PCDHGA1: variants seen among roughly 807,000 people sequenced by gnomAD.
PCDHGA1 encodes the protein protocadherin gamma-A1.
Under a neutral mutation model 58.0 loss-of-function variants are expected in PCDHGA1, and 32 were observed. The ratio of observed to expected loss-of-function variants is 0.55; its 90% CI spans 0.42 to 0.74. The LOEUF (loss-of-function observed/expected upper bound fraction) is 0.74. Ranked by LOEUF, PCDHGA1 falls within the 30% of genes least tolerant of loss-of-function variation. PCDHGA1 has a pLI of 0.00. For missense variants in PCDHGA1, 1,205 were observed against 1,182.3 expected (o/e 1.02, Z -0.28); for synonymous variants, 498 against 501.1 (o/e 0.99, Z 0.08).
chr5:141,391,896 G>A (rs2092439615), intron 1 of PCDHGA1: 1 of 152,128 alleles, frequency 6.6e-6, no homozygotes, highest in Non-Finnish European at 1.5e-5. Flanking sequence ...ATGGGATGGA[G>A]CTTTGCTTTT....
In PCDHGA1 at chr5:141,370,457, G is replaced by T. The variant is rs774974710; in HGVS notation, c.2421+37352G>T. 2.5e-6 allele frequency: 4 copies of T among 1,611,872 alleles called. No homozygotes were observed. In the South Asian group the frequency reaches 4.4e-5, roughly 18 times the overall value. ...AGAGGCGAATGCTATTTCTCTTCCT[G>T]CTCTCTTTGTTAGACCAGGCTCTCT... On this transcript the variant is annotated intron_variant, in intron 1 of 3. Transcript: ENST00000517417.
At chr5:141,481,913 C>CAA (rs34114744) in intron 1 of PCDHGA1, among the ~76,000 whole-genome samples, 26 of 90,736 alleles carry the variant, frequency 2.9e-4, no homozygotes, top group Non-Finnish European at 3.5e-4. Context: ...AACTCCATCT[C>CAA]AAAAAAAAAA....
At chr5:141,333,286 T>TA in intron 1 of PCDHGA1, 181 bp downstream of exon 1, 1 of 939,472 alleles carries the variant, frequency 1.1e-6, no homozygotes, top group Non-Finnish European at 1.6e-6. Flanking sequence ...TATTTATAAT[T>TA]GTTCTTGCAC....
Position 141,486,288 on chromosome 5 carries a change from T to C in PCDHGA1, c.2422-8519T>C. 5 of 1,613,996 alleles carry C rather than the reference T, an allele frequency of 3.1e-6. No individual in the cohort carries two copies. The highest frequency in any genetic ancestry group is 4.2e-6 in the Non-Finnish European group (5 of 1,179,986). ...GAACCTGGCACTGTGGTGGCACTTA[T>C]CAGTGTGCAGGATCCAGACTCAGGG... On this transcript the variant is annotated intron_variant, in intron 1 of 3. Coordinates refer to ENST00000517417, the MANE Select transcript of PCDHGA1 (RefSeq NM_018912.3). The surrounding 1 kb of genome is among the most constrained non-coding windows in gnomAD (Gnocchi z 5.0).
In PCDHGA1 at chr5:141,334,135, G is replaced by A. The variant is rs1756502873; in HGVS notation, c.2421+1030G>A. 6.6e-6 allele frequency: 1 copy of A among 152,212 alleles called. No homozygotes were observed. Among genetic ancestry groups the A allele is most frequent in the African/African-American group, 2.4e-5 (1 of 41,438 alleles). 9.4% of individuals were successfully genotyped at this position (152,212 alleles called of 1,614,324 possible). A position where few individuals can be genotyped will look rare whatever the true frequency, so the allele number is the denominator to read the frequency against. On this transcript the variant is annotated intron_variant, in intron 1 of 3. Coordinates refer to ENST00000517417, the MANE Select transcript of PCDHGA1 (RefSeq NM_018912.3). The surrounding 1 kb of genome is among the most constrained non-coding windows in gnomAD (Gnocchi z 4.6). ...ATAAGAGGAAAGCAAAAGCAAAGTG[G>A]TGAGCTAGTCTAAAGCCATGTGAGT...
intron 1 of PCDHGA1, chr5:141,403,221 T>G (rs899056141): frequency 1.3e-5 from 21 of 1,613,974 alleles, no homozygotes; most frequent in Non-Finnish European, 1.8e-5. Flanking sequence ...GCGGGTAGGA[T>G]AGACCGGGAG....
Position 141,490,760 on chromosome 5 carries a change from T to G in PCDHGA1, c.2422-4047T>G. 1 of 1,614,070 alleles carries G rather than the reference T, an allele frequency of 6.2e-7. No individual in the cohort carries two copies. On this transcript the variant is annotated intron_variant, in intron 1 of 3. Coordinates refer to ENST00000517417, the MANE Select transcript of PCDHGA1 (RefSeq NM_018912.3). This position sits in a 1 kb window ranked among gnomAD's most constrained non-coding sequence, Gnocchi z 5.4. Reference sequence around the variant, plus strand: ...CAGGGAGCCCCAGCCTCCTCCTTTGTGTATGTCAACCCAGAGGATGGACGG... The same window carrying G: ...CAGGGAGCCCCAGCCTCCTCCTTTGGGTATGTCAACCCAGAGGATGGACGG...
intron 1 of PCDHGA1, chr5:141,362,309 A>C: frequency 1.2e-6 from 2 of 1,613,904 alleles, no homozygotes; most frequent in Non-Finnish European, 1.7e-6. Context: ...GATGCTTGGG[A>C]CTGTTTTCAG....
intron 1 of PCDHGA1, among the ~76,000 whole-genome samples, chr5:141,454,796 A>ATTTTTTTTTTT (rs61612330): frequency 0.014 from 1,093 of 77,476 alleles, 165 homozygotes; most frequent in African/African-American, 0.018. Flanking sequence ...CATGGTTCTA[A>ATTTTTTTTTTT]TTTTTTTTTT....
rs1236961370 is a variant in PCDHGA1, at chr5:141,512,621, C to T, written c.*1448C>T. 1 of 152,964 alleles carries T rather than the reference C, an allele frequency of 6.5e-6. No homozygotes were observed. The highest frequency in any genetic ancestry group is 1.5e-5 in the Non-Finnish European group (1 of 68,612). 9.5% of individuals were successfully genotyped at this position (152,964 alleles called of 1,614,324 possible). A position where few individuals can be genotyped will look rare whatever the true frequency, so the allele number is the denominator to read the frequency against. Reference sequence around the variant, plus strand: ...CCATCCAGCGGGGCTGCCAGAGAACCCCAGACCTGCCCTTACAGTAGTGTA... The same window carrying T: ...CCATCCAGCGGGGCTGCCAGAGAACTCCAGACCTGCCCTTACAGTAGTGTA... On this transcript the variant is annotated 3_prime_UTR_variant, in exon 4 of 4. Coordinates refer to ENST00000517417, the MANE Select transcript of PCDHGA1 (RefSeq NM_018912.3).
rs1756809886 is a variant in PCDHGA1, at chr5:141,339,139, C to A, written c.2421+6034C>A. The A allele has an allele frequency of 1.9e-6, 3 of 1,614,086 alleles. No individual in the cohort carries two copies. The East Asian group carries it at 6.7e-5, about 36-fold the overall frequency. Reference sequence around the variant, plus strand: ...TCGCCAAGGACTTGGGTTTGGAGCCCCTGGCACTGGCAGAGCAGGGAGTCC... The same window carrying A: ...TCGCCAAGGACTTGGGTTTGGAGCCACTGGCACTGGCAGAGCAGGGAGTCC... On this transcript the variant is annotated intron_variant, in intron 1 of 3. Coordinates refer to ENST00000517417, the MANE Select transcript of PCDHGA1 (RefSeq NM_018912.3).
chr5:141,480,578 A>G (rs1343189182), intron 1 of PCDHGA1, among the ~76,000 whole-genome samples: 1 of 133,254 alleles, frequency 7.5e-6, no homozygotes, highest in Admixed American at 7.4e-5. Context: ...GCAAGAAATA[A>G]CTGCCGCTCT....
At chr5:141,376,617 G>A (rs1235600949) in intron 1 of PCDHGA1, 24 of 1,406,610 alleles carry the variant, frequency 1.7e-5, no homozygotes, top group Non-Finnish European at 2.2e-5. Context: ...ACCTCTTTTG[G>A]TACAGGAAGA....
In PCDHGA1 at chr5:141,460,961, A is replaced by ATATGTGTGTG. The variant is rs1463306338; in HGVS notation, c.2422-33845_2422-33844insATGTGTGTGT. On this transcript the variant is annotated intron_variant, in intron 1 of 3. Coordinates refer to ENST00000517417, the MANE Select transcript of PCDHGA1 (RefSeq NM_018912.3). ...ATATATATGTATTATGTATATATAT[A>ATATGTGTGTG]TGTGTGTGTGTGTGTGTGTGTGTAT... Among the ~76,000 whole-genome samples the ATATGTGTGTG allele has an allele frequency of 1.3e-3, 194 of 144,616 alleles. 1 individual carries two copies. The highest frequency in any genetic ancestry group is 4.7e-3 in the African/African-American group (182 of 38,716). 94.9% of individuals were successfully genotyped at this position (144,616 alleles called of 152,430 possible). A position where few individuals can be genotyped will look rare whatever the true frequency, so the allele number is the denominator to read the frequency against.
At chr5:141,371,221 A>C (rs769598930) in intron 1 of PCDHGA1, 3 of 1,614,064 alleles carry the variant, frequency 1.9e-6, no homozygotes, top group Non-Finnish European at 1.7e-6. Context: ...ATCAATGCCG[A>C]AATCATCTAT....
In PCDHGA1 at chr5:141,477,147, A is replaced by G. The variant is rs1195888163; in HGVS notation, c.2422-17660A>G. On this transcript the variant is annotated intron_variant, in intron 1 of 3. Coordinates refer to ENST00000517417, the MANE Select transcript of PCDHGA1 (RefSeq NM_018912.3). The surrounding 1 kb of genome is among the most constrained non-coding windows in gnomAD (Gnocchi z 4.9). The stretch of plus-strand genomic sequence containing the variant: ...TGCAAAGTGTTGGTGGAGGTTGTGG[A>G]TGTGAATGACAACGCCCCGGAGATC... 2 of 1,614,168 alleles carry G rather than the reference A, an allele frequency of 1.2e-6. No individual in the cohort carries two copies. The highest frequency in any genetic ancestry group is 1.1e-5 in the South Asian group (1 of 91,080).
At chr5:141,460,459 T>A (rs2098989808) in intron 1 of PCDHGA1, among the ~76,000 whole-genome samples, 1 of 152,176 alleles carries the variant, frequency 6.6e-6, no homozygotes, top group South Asian at 2.1e-4. Flanking sequence ...ATTCATATTT[T>A]TTTCCAAAGG....
chr5:141,498,703 G>A (rs961006063), intron 2 of PCDHGA1, among the ~76,000 whole-genome samples: 7 of 152,228 alleles, frequency 4.6e-5, no homozygotes, highest in Non-Finnish European at 8.8e-5. Flanking sequence ...AGGCTGAGGT[G>A]GGTGGATCAC....
At chr5:141,393,825 G>A (rs2092852640) in intron 1 of PCDHGA1, 10 of 1,613,964 alleles carry the variant, frequency 6.2e-6, no homozygotes, top group Non-Finnish European at 8.5e-6. Context: ...CATTTCGGTG[G>A]AAGATGTAAA....
Sources: allele counts gnomAD v4.1 joint callset (sites outside exome capture counted in the v4.1 genomes callset), GRCh38; gene constraint gnomAD v4.1.1; non-coding constraint Gnocchi (gnomAD v3.1); transcripts MANE v1.5; gene names NCBI Gene and HGNC (gene_info 2026-07-23, HGNC 2026-07-21).